Variants in CD99 observed in about 807,000 individuals in gnomAD.
The protein encoded by CD99 is CD99 antigen.
Under a neutral mutation model 28.4 loss-of-function variants are expected in CD99, and 19 were observed. The ratio of observed to expected loss-of-function variants is 0.67; its 90% CI spans 0.47 to 0.98. CD99 has a LOEUF of 0.98. Among genes scored for constraint, CD99 ranks in the 50% least tolerant of loss-of-function variants. CD99 has a pLI of 0.00. For missense variants in CD99, 283 were observed against 248.8 expected, an observed-to-expected ratio of 1.14 and a Z score of -0.92; for synonymous variants, 103 against 92.1, an observed-to-expected ratio of 1.12 and a Z score of -0.67.
At chrX:2,692,222 G>A (rs997284115) in intron 1 of CD99, 5 of 422,966 alleles carry the variant, frequency 1.2e-5, no homozygotes, top group Admixed American at 4.0e-5. Flanking sequence ...GCCGGATGTG[G>A]TATGTTATAA....
chrX:2,736,958 C>G (rs1190473844), intron 8 of CD99, among the ~76,000 whole-genome samples: 18 of 151,852 alleles, frequency 1.2e-4, no homozygotes, highest in Admixed American at 1.2e-3. Flanking sequence ...ACCGGGTACA[C>G]AAGACGCCTT....
rs2048581113 is a variant in CD99 at position 2,714,298 on chromosome X, ATTT to A, written c.68-119_68-117del. 2.7e-6 allele frequency: 2 copies of A among 743,496 alleles called. 1 individual carries two copies. Among genetic ancestry groups the A allele is most frequent in the South Asian group, 4.2e-5 (2 of 47,774 alleles). 46.1% of individuals were successfully genotyped at this position (743,496 alleles called of 1,614,324 possible). A position where few individuals can be genotyped will look rare whatever the true frequency, so the allele number is the denominator to read the frequency against. ...AGAAGAGAAATCACGCACCTTGTAAATTTTTTTAAGTTGCTGTTTTAAATATCA... is the reference window on the plus strand; with the variant it reads ...AGAAGAGAAATCACGCACCTTGTAAATTTTAAGTTGCTGTTTTAAATATCA... On this transcript the variant is annotated intron_variant, in intron 1 of 9. Coordinates refer to ENST00000381192, the MANE Select transcript of CD99 (RefSeq NM_002414.5).
chrX:2,719,523 T>C, intron 3 of CD99, 138 bp from the exon 4 acceptor site: 1 of 720,212 alleles, frequency 1.4e-6, no homozygotes, highest in Non-Finnish European at 2.5e-6. Flanking sequence ...CTTTTTCTAA[T>C]GAGATCCTGG....
chrX:2,705,050 G>A (rs2048053284), intron 1 of CD99, among the ~76,000 whole-genome samples: 1 of 152,210 alleles, frequency 6.6e-6, no homozygotes, highest in African/African-American at 2.4e-5. Context: ...AAGACAGAGA[G>A]ACGAGTTTAA....
intron 1 of CD99, among the ~76,000 whole-genome samples, chrX:2,703,802 T>C (rs1365217047): frequency 2.0e-5 from 3 of 152,006 alleles, no homozygotes; most frequent in African/African-American, 7.2e-5. Flanking sequence ...TGGGATGAAG[T>C]TGGAAAAAGT....
At chrX:2,730,645 T>C (rs2049550726) in intron 8 of CD99, among the ~76,000 whole-genome samples, 1 of 152,194 alleles carries the variant, frequency 6.6e-6, no homozygotes, top group Non-Finnish European at 1.5e-5. Context: ...CTGGTTTGCT[T>C]TCTAGTTATC....
At position 2,691,489 on chromosome X, in the gene CD99, C is replaced by T. The variant is rs751270858; in HGVS notation, c.67+62C>T. 129 of 1,515,092 alleles carry T rather than the reference C, an allele frequency of 8.5e-5. No individual in the cohort carries two copies. The African/African-American group carries it at 1.4e-3, about 17-fold the overall frequency. The allele number at this position is 1,515,092 out of a possible 1,614,324, so 93.9% of individuals were successfully genotyped here. On this transcript the variant is annotated intron_variant, in intron 1 of 9. Coordinates refer to ENST00000381192, the MANE Select transcript of CD99 (RefSeq NM_002414.5). The stretch of plus-strand genomic sequence containing the variant: ...AGGGCGCGGGCCGGGACTGGGGATC[C>T]GCTTGAGATGCGGCGTTGGGGGCGC...
chrX:2,700,112 A>AGTTG (rs1242486123), intron 1 of CD99, among the ~76,000 whole-genome samples: 2 of 152,006 alleles, frequency 1.3e-5, no homozygotes, highest in African/African-American at 4.8e-5. Flanking sequence ...TGGGCTTGGG[A>AGTTG]GTTGGTGGCT....
At chrX:2,722,859 C>A in intron 6 of CD99, 185 bp downstream of exon 6, 1 of 195,840 alleles carries the variant, frequency 5.1e-6, no homozygotes, top group Non-Finnish European at 9.3e-6. Context: ...AAGGCTGCCC[C>A]GTAGAGGTTC....
intron 4 of CD99, 159 bp from the exon 5 acceptor site, chrX:2,720,197 G>A (rs1455690309): frequency 1.9e-5 from 3 of 157,278 alleles, no homozygotes. Context: ...GAAAGTTGAT[G>A]GGAGGAAACT....
At chrX:2,736,071 G>A (rs769241079) in intron 8 of CD99, among the ~76,000 whole-genome samples, 21 of 151,912 alleles carry the variant, frequency 1.4e-4, no homozygotes, top group African/African-American at 3.6e-4. Context: ...GCATGGTGGC[G>A]GGCGCCTGTA....
chrX:2,715,140 C>G (rs1448857306), intron 2 of CD99: 1 of 152,328 alleles, frequency 6.6e-6, no homozygotes, highest in East Asian at 1.9e-4. Context: ...CTTCCTGTCT[C>G]CCGCTCCTCA....
intron 1 of CD99, 27 bp downstream of exon 1, chrX:2,691,454 G>A (rs1569421040): frequency 6.4e-7 from 1 of 1,573,678 alleles, no homozygotes; most frequent in Admixed American, 1.8e-5. Flanking sequence ...ATCCGGGTTG[G>A]GGGACGCGGA....
At chrX:2,727,373 C>A (rs371229156) in intron 8 of CD99, 2 of 776,706 alleles carry the variant, frequency 2.6e-6, no homozygotes, top group Non-Finnish European at 4.8e-6. Context: ...TGGAACACAG[C>A]TAACGTGCAT....
At chrX:2,728,538 T>G (rs1194451212) in intron 8 of CD99, among the ~76,000 whole-genome samples, 1 of 152,038 alleles carries the variant, frequency 6.6e-6, no homozygotes, top group Non-Finnish European at 1.5e-5. Context: ...GGGACCCAAA[T>G]GGACAGATGA....
At chrX:2,713,537 C>T (rs1430752238) in intron 1 of CD99, among the ~76,000 whole-genome samples, 2 of 152,186 alleles carry the variant, frequency 1.3e-5, no homozygotes, top group Non-Finnish European at 2.9e-5. Context: ...TATACATGCA[C>T]ACTCACACAC....
At chrX:2,699,467 CTTTTTTTTT>C (rs749766023) in intron 1 of CD99, among the ~76,000 whole-genome samples, 2 of 120,886 alleles carry the variant, frequency 1.7e-5, no homozygotes, top group Non-Finnish European at 1.7e-5. Flanking sequence ...CGCGCCCAGC[CTTTTTTTTT>C]TTTTTTTTTT....
intron 1 of CD99, among the ~76,000 whole-genome samples, chrX:2,705,971 G>C (rs2048092844): frequency 6.6e-6 from 1 of 151,810 alleles, no homozygotes; most frequent in African/African-American, 2.4e-5. Flanking sequence ...CTCTAGGCTG[G>C]GGACCCTTCC....
At chrX:2,733,714 T>G (rs1390258440) in intron 8 of CD99, 1 of 380,794 alleles carries the variant, frequency 2.6e-6, no homozygotes, top group Admixed American at 3.9e-5. Flanking sequence ...CCTAAGTCCA[T>G]CCCTGCCAAG....
Sources: gnomAD v4.1 joint callset for allele counts (sites outside exome capture counted in the v4.1 genomes callset) on GRCh38, gnomAD v4.1.1 for gene constraint, MANE v1.5 for transcripts, NCBI Gene and HGNC (gene_info 2026-07-23, HGNC 2026-07-21) for gene names.